The following ISL1 variants were observed in gnomAD, a reference collection of about 807,000 sequenced individuals.
ISL1 encodes ISL LIM homeobox 1.
A neutral mutation model predicts 35.3 loss-of-function variants in ISL1; 4 were observed. That is an observed-to-expected ratio of 0.11 (90% CI 0.06 to 0.26). The LOEUF (loss-of-function observed/expected upper bound fraction) is 0.26, where lower values mean the gene tolerates loss of function less well. Among genes scored for constraint, ISL1 ranks in the 10% least tolerant of loss-of-function variants. ISL1 has a pLI of 1.00. For synonymous variants in ISL1, 186 were observed against 172.3 expected (o/e 1.08, Z -0.62); for missense variants, 340 against 472.8 (o/e 0.72, Z 2.60).
At position 51,387,703 on chromosome 5, in the gene ISL1, C is replaced by G. The variant is rs779567884; in HGVS notation, c.432C>G (p.Gly144=). The G allele has an allele frequency of 2.5e-6, 4 of 1,614,080 alleles. No homozygotes were observed. The South Asian group carries it at 4.4e-5, about 18-fold the overall frequency. The change falls in exon 3 of 6, where the codon GGC becomes GGG. Residue 144 remains glycine (G), a synonymous_variant. Transcript: ENST00000230658. The surrounding 1 kb of genome is among the most constrained non-coding windows in gnomAD (Gnocchi z 4.3). ...DVVERASLGA[G]DPLSPLHPAR... Reference sequence around the variant, plus strand: ...TGGAGAGGGCCAGTCTAGGCGCTGGCGACCCGCTCAGTCCCCTGCATCCAG... The same window carrying G: ...TGGAGAGGGCCAGTCTAGGCGCTGGGGACCCGCTCAGTCCCCTGCATCCAG...
At chr5:51,386,837 T>C (rs1747352880) in intron 2 of ISL1, among the ~76,000 whole-genome samples, 1 of 151,944 alleles carries the variant, frequency 6.6e-6, no homozygotes, top group Admixed American at 6.6e-5. Context: ...CTGAAGAAAA[T>C]CTTTAGTTGG....
Position 51,389,946 on chromosome 5 carries a change from G to A in ISL1, c.765+14G>A, listed in dbSNP as rs1174157773. ...AATGACAAAACTGTGAGTGGCTCTG[G>A]GGCCGGGCAGGGAATGCGAGGGGGA... On this transcript the variant is annotated intron_variant, in intron 4 of 5. Transcript: ENST00000230658. The surrounding 1 kb of genome is among the most constrained non-coding windows in gnomAD (Gnocchi z 5.0). The A allele has an allele frequency of 6.2e-7, 1 of 1,611,936 alleles. No individual in the cohort carries two copies. The highest frequency in any genetic ancestry group is 1.3e-5 in the African/African-American group (1 of 74,904).
intron 2 of ISL1, 55 bp downstream of exon 2, chr5:51,384,785 C>G: frequency 6.7e-7 from 1 of 1,482,014 alleles, no homozygotes; most frequent in Admixed American, 1.7e-5. Context: ...AATCTCCCCA[C>G]TCTTTATGTA....
rs1747475980 is a variant in ISL1, at chr5:51,390,636, C to CCTTT, written c.766-638_766-637insCTTT. On this transcript the variant is annotated intron_variant, in intron 4 of 5. Coordinates refer to ENST00000230658, the MANE Select transcript of ISL1 (RefSeq NM_002202.3). ...TTTTCTTCCTTTTTTTCTTTTCTTT[C>CCTTT]TTTTTCTTTTTTTTTTTTTTTTTTT... 4.3e-4 allele frequency among the ~76,000 whole-genome samples: 32 copies of CCTTT among 74,326 alleles called. 2 individuals carry two copies. Among genetic ancestry groups the CCTTT allele is most frequent in the African/African-American group, 1.3e-3 (31 of 23,670 alleles). The allele number at this position is 74,326 out of a possible 152,430, so 48.8% of individuals were successfully genotyped here.
At position 51,389,620 on chromosome 5, in the gene ISL1, C is replaced by A. The variant is rs764291505; in HGVS notation, c.479-26C>A. The A allele has an allele frequency of 1.9e-6, 3 of 1,592,634 alleles. No homozygotes were observed. Among genetic ancestry groups the A allele is most frequent in the African/African-American group, 1.3e-5 (1 of 74,514 alleles). ...GCCGGCAAGCGAGCCTCCAGCCCAG[C>A]GCTCACGGCGCTCCTTGCCCCGCAG... On this transcript the variant is annotated intron_variant, in intron 3 of 5. Transcript: ENST00000230658. The surrounding 1 kb of genome is among the most constrained non-coding windows in gnomAD (Gnocchi z 5.0).
At chr5:51,384,249 G>GC (rs1561205546) in intron 1 of ISL1, among the ~76,000 whole-genome samples, 1 of 146,320 alleles carries the variant, frequency 6.8e-6, no homozygotes, top group African/African-American at 2.5e-5. Context: ...AGGAAGGGGG[G>GC]GGGGAGAAAT....
Position 51,383,524 on chromosome 5 carries a change from C to T in ISL1, c.-148C>T, listed in dbSNP as rs121913539. 59 of 758,652 alleles carry T rather than the reference C, an allele frequency of 7.8e-5. No individual in the cohort carries two copies. The highest frequency in any genetic ancestry group is 3.4e-4 in the Middle Eastern group (1 of 2,916). The allele number at this position is 758,652 out of a possible 1,614,324, so 47.0% of individuals were successfully genotyped here. A position where few individuals can be genotyped will look rare whatever the true frequency, so the allele number is the denominator to read the frequency against. On this transcript the variant is annotated 5_prime_UTR_variant, in exon 1 of 6. Transcript: ENST00000230658. ...TTGGACTCCTAGATCCGCGAGGGCG[C>T]GGCGCAGCCGAGCAGCGGCTCTTTC...
At chr5:51,385,151 A>T (rs1561205994) in intron 2 of ISL1, among the ~76,000 whole-genome samples, 1 of 152,182 alleles carries the variant, frequency 6.6e-6, no homozygotes, top group African/African-American at 2.4e-5. Context: ...TAGCTTACAA[A>T]TTCTTTGGTG....
At position 51,389,588 on chromosome 5, in the gene ISL1, C is replaced by G; in HGVS notation, c.479-58C>G. ...GAGCGAGCGAGCGAGCGCGCGACCGCGGGCGGGCCGGCAAGCGAGCCTCCA... is the reference window on the plus strand; with the variant it reads ...GAGCGAGCGAGCGAGCGCGCGACCGGGGGCGGGCCGGCAAGCGAGCCTCCA... On this transcript the variant is annotated intron_variant, in intron 3 of 5. Coordinates refer to ENST00000230658, the MANE Select transcript of ISL1 (RefSeq NM_002202.3). This position sits in a 1 kb window ranked among gnomAD's most constrained non-coding sequence, Gnocchi z 5.0. The G allele has an allele frequency of 2.1e-6, 3 of 1,405,156 alleles. No homozygotes were observed. Among genetic ancestry groups the G allele is most frequent in the Non-Finnish European group, 2.8e-6 (3 of 1,084,410 alleles). The allele number at this position is 1,405,156 out of a possible 1,614,324, so 87.0% of individuals were successfully genotyped here.
At chr5:51,391,056 G>T (rs1356276067) in intron 4 of ISL1, among the ~76,000 whole-genome samples, 1 of 151,876 alleles carries the variant, frequency 6.6e-6, no homozygotes, top group African/African-American at 2.4e-5. Flanking sequence ...TAAGGTCCAT[G>T]CAGACCTAAT....
At chr5:51,390,117 G>A (rs931965982) in intron 4 of ISL1, among the ~76,000 whole-genome samples, 185 bp downstream of exon 4, 4 of 152,072 alleles carry the variant, frequency 2.6e-5, no homozygotes, top group African/African-American at 9.7e-5. Context: ...GGCGCCGGCC[G>A]CCAGCTGAGG....
intron 4 of ISL1, among the ~76,000 whole-genome samples, chr5:51,390,578 G>A (rs926403299): frequency 6.1e-5 from 9 of 147,834 alleles, no homozygotes; most frequent in African/African-American, 2.2e-4. Flanking sequence ...CACCCACTCT[G>A]CAGGCCTCCT....
chr5:51,389,084 T>A lies in ISL1; in HGVS notation c.479-562T>A, dbSNP rs1747420671. ...TGAAGTTCAAGGCGTTCTGGCAGAGTTCTCGACCTTCCCCTTGCAGAAGTC... is the reference window on the plus strand; with the variant it reads ...TGAAGTTCAAGGCGTTCTGGCAGAGATCTCGACCTTCCCCTTGCAGAAGTC... On this transcript the variant is annotated intron_variant, in intron 3 of 5. Coordinates refer to ENST00000230658, the MANE Select transcript of ISL1 (RefSeq NM_002202.3). The surrounding 1 kb of genome is among the most constrained non-coding windows in gnomAD (Gnocchi z 5.0). 6.6e-6 allele frequency among the ~76,000 whole-genome samples: 1 copy of A among 152,080 alleles called. No individual in the cohort carries two copies. The highest frequency in any genetic ancestry group is 1.5e-5 in the Non-Finnish European group (1 of 68,016).
chr5:51,393,796 A>G lies in ISL1; in HGVS notation c.*186A>G. 1 of 631,214 alleles carries G rather than the reference A, an allele frequency of 1.6e-6. No individual in the cohort carries two copies. Among genetic ancestry groups the G allele is most frequent in the Non-Finnish European group, 2.8e-6 (1 of 351,024 alleles). The allele number at this position is 631,214 out of a possible 1,614,324, so 39.1% of individuals were successfully genotyped here. A position where few individuals can be genotyped will look rare whatever the true frequency, so the allele number is the denominator to read the frequency against. On this transcript the variant is annotated 3_prime_UTR_variant, in exon 6 of 6. Coordinates refer to ENST00000230658, the MANE Select transcript of ISL1 (RefSeq NM_002202.3). ...TGGTAGCAACACTGTGAAGACAATCATGGGATTTTACTAGAATTAAACAAC... is the reference window on the plus strand; with the variant it reads ...TGGTAGCAACACTGTGAAGACAATCGTGGGATTTTACTAGAATTAAACAAC...
intron 4 of ISL1, among the ~76,000 whole-genome samples, chr5:51,390,638 T>TTTC (rs1747482423): frequency 2.1e-5 from 1 of 48,298 alleles, no homozygotes; most frequent in African/African-American, 1.4e-4. Flanking sequence ...TTTTCTTTCT[T>TTTC]TTTCTTTTTT....
Position 51,391,461 on chromosome 5 carries a change from T to C in ISL1, c.933+20T>C. ...CAACTGGTAAGTGTCAGCTCCCAGA[T>C]GGAAGAGGCTGAATTCCCAACAGGA... On this transcript the variant is annotated intron_variant, in intron 5 of 5. Transcript: ENST00000230658. The C allele has an allele frequency of 6.2e-7, 1 of 1,613,698 alleles. No individual in the cohort carries two copies.
In ISL1 at chr5:51,387,734, C is replaced by T. The variant is rs752856847; in HGVS notation, c.463C>T (p.Pro155Ser). Residue 155 changes from proline to serine, a missense_variant, in exon 3 of 6, where the codon CCA (proline) becomes TCA (serine). Pro to Ser is a moderately conservative substitution (Grantham distance 74, BLOSUM62 -1). Coordinates refer to ENST00000230658, the MANE Select transcript of ISL1 (RefSeq NM_002202.3). This position sits in a 1 kb window ranked among gnomAD's most constrained non-coding sequence, Gnocchi z 4.3. ...DPLSPLHPAR[P>S]LQMAAEPISA... ...GCTCAGTCCCCTGCATCCAGCGCGG[C>T]CACTGCAAATGGCAGGTACTCCTCT... is the stretch of plus-strand genomic sequence containing the variant. 1 of 1,614,196 alleles carries T rather than the reference C, an allele frequency of 6.2e-7. No homozygotes were observed. The highest frequency in any genetic ancestry group is 8.5e-7 in the Non-Finnish European group (1 of 1,180,050).
chr5:51,385,601 T>C lies in ISL1; in HGVS notation c.218+871T>C, dbSNP rs182627262. Among the ~76,000 whole-genome samples, 308 of 152,108 alleles carry C rather than the reference T, an allele frequency of 2.0e-3. 1 individual carries two copies. The highest frequency in any genetic ancestry group is 3.3e-3 in the Non-Finnish European group (225 of 67,964). On this transcript the variant is annotated intron_variant, in intron 2 of 5. Coordinates refer to ENST00000230658, the MANE Select transcript of ISL1 (RefSeq NM_002202.3). Reference sequence around the variant, plus strand: ...TTTTTGTTTTTTTTTTCCTCCAATTTATTCTGCAACACGTTTTGCTAATCT... The same window carrying C: ...TTTTTGTTTTTTTTTTCCTCCAATTCATTCTGCAACACGTTTTGCTAATCT...
In ISL1 at chr5:51,387,224, A is replaced by T. The variant is rs901144825; in HGVS notation, c.219-266A>T. On this transcript the variant is annotated intron_variant, in intron 2 of 5. Coordinates refer to ENST00000230658, the MANE Select transcript of ISL1 (RefSeq NM_002202.3). The surrounding 1 kb of genome is among the most constrained non-coding windows in gnomAD (Gnocchi z 4.3). Reference sequence around the variant, plus strand: ...AGCTAAGAGTTACCAACTAAGACAGAGGTTCATCGGAAAGGAAACGGGAGT... The same window carrying T: ...AGCTAAGAGTTACCAACTAAGACAGTGGTTCATCGGAAAGGAAACGGGAGT... Among the ~76,000 whole-genome samples the T allele has an allele frequency of 6.6e-6, 1 of 151,938 alleles. No homozygotes were observed. The highest frequency in any genetic ancestry group is 1.5e-5 in the Non-Finnish European group (1 of 68,000).
Sources: gnomAD v4.1 joint callset for allele counts (sites outside exome capture counted in the v4.1 genomes callset) on GRCh38, gnomAD v4.1.1 for gene constraint, Gnocchi (gnomAD v3.1) non-coding constraint, MANE v1.5 for transcripts, NCBI Gene and HGNC (gene_info 2026-07-23, HGNC 2026-07-21) for gene names.